Variants in ADGRV1 observed in about 807,000 individuals in gnomAD.
The protein encoded by ADGRV1 is G-protein coupled receptor 98.
A neutral mutation model predicts 596.2 loss-of-function variants in ADGRV1; 359 were observed. The observed-to-expected ratio is 0.60, with a 90% CI of 0.55 to 0.66. The LOEUF is 0.66. Among genes scored for constraint, ADGRV1 ranks in the 30% least tolerant of loss-of-function variants. ADGRV1 has a pLI of 0.00. For missense variants in ADGRV1, 7,274 were observed against 7,575.6 expected, an observed-to-expected ratio of 0.96 and a Z score of 1.48; for synonymous variants, 2,681 against 2,679.2, an observed-to-expected ratio of 1.00 and a Z score of -0.02.
rs538408748 is a variant in ADGRV1 at position 91,127,755 on chromosome 5, C to T, written c.18433-22275C>T. Reference sequence around the variant, plus strand: ...TAGAGACACCAGTACTTGCCCTGAACCATTTTAATTCTCCTCTGTTTTCAT... The same window carrying T: ...TAGAGACACCAGTACTTGCCCTGAATCATTTTAATTCTCCTCTGTTTTCAT... On this transcript the variant is annotated intron_variant, in intron 87 of 89. Coordinates refer to ENST00000405460, the MANE Select transcript of ADGRV1 (RefSeq NM_032119.4). Among the ~76,000 whole-genome samples, 3 of 152,246 alleles carry T rather than the reference C, an allele frequency of 2.0e-5. No individual in the cohort carries two copies. In the South Asian group the frequency reaches 6.2e-4, roughly 32 times the overall value.
Position 90,829,063 on chromosome 5 carries a change from C to A in ADGRV1, c.16488C>A (p.Ser5496Arg), listed in dbSNP as rs768064454. 4 of 1,611,920 alleles carry A rather than the reference C, an allele frequency of 2.5e-6. No individual in the cohort carries two copies. The highest frequency in any genetic ancestry group is 3.4e-6 in the Non-Finnish European group (4 of 1,178,726). The change falls in exon 77 of 90, where the codon AGC becomes AGA. Residue 5496 changes from serine (S) to arginine (R), a missense_variant. Around this residue, in one of 5 missense-constraint regions of ADGRV1, gnomAD observed 1,874 missense variants for 1,970.2 expected, o/e 0.95. Transcript: ENST00000405460. ...TCTTAGAAAGTGATGAATCTCAAAGCCTTGTGTATTTTTCTGTGGGTTCTC... is the reference window on the plus strand; with the variant it reads ...TCTTAGAAAGTGATGAATCTCAAAGACTTGTGTATTTTTCTGTGGGTTCTC... ...IKILESDESQ[S>R]LVYFSVGSRL...
intron 87 of ADGRV1, among the ~76,000 whole-genome samples, chr5:91,112,815 C>T (rs1490707025): frequency 3.9e-5 from 6 of 152,092 alleles, no homozygotes; most frequent in African/African-American, 1.4e-4. Flanking sequence ...GTGAGTTATC[C>T]GCTTTTCAGA....
At chr5:91,096,309 C>T (rs1465851506) in intron 86 of ADGRV1, among the ~76,000 whole-genome samples, 1 of 152,090 alleles carries the variant, frequency 6.6e-6, no homozygotes, top group Non-Finnish European at 1.5e-5. Flanking sequence ...ACAAAGAAAA[C>T]AGATAATACA....
chr5:90,994,135 T>G (rs1341982526), intron 85 of ADGRV1, among the ~76,000 whole-genome samples: 1 of 151,950 alleles, frequency 6.6e-6, no homozygotes, highest in Non-Finnish European at 1.5e-5. Context: ...TGGTCTTGGC[T>G]CACTACAACC....
At chr5:91,074,537 G>A (rs1441296526) in intron 86 of ADGRV1, among the ~76,000 whole-genome samples, 1 of 152,156 alleles carries the variant, frequency 6.6e-6, no homozygotes, top group Non-Finnish European at 1.5e-5. Flanking sequence ...ATATTCCATG[G>A]TGTATATGTA....
chr5:90,949,221 A>G (rs747544238), intron 83 of ADGRV1, among the ~76,000 whole-genome samples: 5 of 152,154 alleles, frequency 3.3e-5, no homozygotes, highest in Non-Finnish European at 7.4e-5. Context: ...TTTAGGTTTC[A>G]GGGTAATGAG....
In ADGRV1 at chr5:90,672,574, G is replaced by A. The variant is rs1481250204; in HGVS notation, c.4781G>A (p.Cys1594Tyr). Residue 1594 changes from cysteine (C) to tyrosine (Y), a missense_variant, in exon 22 of 90, where the codon TGT becomes TAT. Cys to Tyr is a radical substitution (Grantham distance 194, BLOSUM62 -2). Coordinates refer to ENST00000405460, the MANE Select transcript of ADGRV1 (RefSeq NM_032119.4). ...EIAEEGSTIS[C>Y]VVERTRGALD... ...GCAGAGGAGGGATCAACCATTTCTT[G>A]TGTGGTTGAGAGAACCAGAGGAGCT... 1.2e-6 allele frequency: 2 copies of A among 1,613,534 alleles called. No homozygotes were observed. Among genetic ancestry groups the A allele is most frequent in the Non-Finnish European group, 1.7e-6 (2 of 1,179,554 alleles).
chr5:90,669,630 A>G (rs1772137675), intron 21 of ADGRV1, among the ~76,000 whole-genome samples: 1 of 152,170 alleles, frequency 6.6e-6, no homozygotes, highest in Admixed American at 6.5e-5. Flanking sequence ...GTGAAATGAT[A>G]GAATGAGCAT....
intron 28 of ADGRV1, among the ~76,000 whole-genome samples, chr5:90,685,093 T>C (rs1745431932): frequency 6.6e-6 from 1 of 152,200 alleles, no homozygotes. Context: ...TTTTTTCCTT[T>C]TTGATAACTT....
chr5:90,959,966 C>T lies in ADGRV1; in HGVS notation c.17857-5449C>T, dbSNP rs374159460. On this transcript the variant is annotated intron_variant, in intron 83 of 89. Transcript: ENST00000405460. ...CATCCTGGCTAACACGGTGAAACCC[C>T]GTCTCTACTAAAAATACAAAAAATT... is the stretch of plus-strand genomic sequence containing the variant. 2.1e-3 allele frequency among the ~76,000 whole-genome samples: 319 copies of T among 151,780 alleles called. 1 individual carries two copies. Among genetic ancestry groups the T allele is most frequent in the African/African-American group, 7.3e-3 (304 of 41,432 alleles).
chr5:90,634,086 A>C (rs2366772), intron 9 of ADGRV1, among the ~76,000 whole-genome samples: 1 of 151,990 alleles, frequency 6.6e-6, no homozygotes, highest in Admixed American at 6.6e-5. Context: ...TATTAAGTTA[A>C]AAGTTGCATT....
intron 73 of ADGRV1, 52 bp downstream of exon 73, chr5:90,807,789 A>G: frequency 6.9e-7 from 1 of 1,453,290 alleles, no homozygotes; most frequent in Non-Finnish European, 9.2e-7. Context: ...ATAATCTGGA[A>G]TTCATCCATC....
rs1207373952 is a variant in ADGRV1, at chr5:90,664,511, G to C, written c.4752+6233G>C. On this transcript the variant is annotated intron_variant, in intron 21 of 89. Transcript: ENST00000405460. ...TTGCTTATCAGCTTAAGGAGATTTT[G>C]GGCTGAGACAGTGGGGTTTTCTAGA... is the stretch of plus-strand genomic sequence containing the variant. Among the ~76,000 whole-genome samples the C allele has an allele frequency of 5.5e-5, 8 of 145,200 alleles. No homozygotes were observed. In the East Asian group the frequency reaches 1.7e-3, roughly 30 times the overall value.
At chr5:90,961,023 C>T (rs1359793883) in intron 83 of ADGRV1, among the ~76,000 whole-genome samples, 2 of 152,146 alleles carry the variant, frequency 1.3e-5, no homozygotes, top group African/African-American at 2.4e-5. Flanking sequence ...TGCTACAATA[C>T]TTGTCACATT....
chr5:90,863,471 A>T (rs1280473334), intron 82 of ADGRV1, among the ~76,000 whole-genome samples: 1 of 152,208 alleles, frequency 6.6e-6, no homozygotes, highest in East Asian at 1.9e-4. Context: ...AGTAGATAAA[A>T]AAGGGGTAAT....
rs772616548 is a variant in ADGRV1, at chr5:90,653,744, C to T, written c.4170C>T (p.Asn1390=). 4.0e-5 allele frequency: 65 copies of T among 1,612,736 alleles called. No homozygotes were observed. The highest frequency in any genetic ancestry group is 3.0e-4 in the Admixed American group (18 of 59,800). The stretch of plus-strand genomic sequence containing the variant: ...ACTACGGGGTAAAAATACAAACAAA[C>T]GAATCCCATGTGACACTTTCCCTTC... The part of the protein sequence containing the change: ...SIYYGVKIQT[N]ESHVTLSLHY... Residue 1390 remains asparagine (N), a synonymous_variant, in exon 20 of 90, where the codon AAC becomes AAT. Coordinates refer to ENST00000405460, the MANE Select transcript of ADGRV1 (RefSeq NM_032119.4).
intron 71 of ADGRV1, 114 bp from the exon 72 acceptor site, chr5:90,805,170 T>G: frequency 3.1e-6 from 2 of 636,716 alleles, no homozygotes; most frequent in Non-Finnish European, 4.8e-6. Flanking sequence ...TAATTCAGTA[T>G]GAGACAAGGA....
chr5:90,644,056 T>A, intron 14 of ADGRV1, 73 bp downstream of exon 14: 1 of 1,083,422 alleles, frequency 9.2e-7, no homozygotes, highest in Non-Finnish European at 1.3e-6. Context: ...GTTATTTCTT[T>A]AGTAACTAGT....
At chr5:91,007,860 C>T (rs1275393872) in intron 85 of ADGRV1, among the ~76,000 whole-genome samples, 1 of 152,120 alleles carries the variant, frequency 6.6e-6, no homozygotes, top group East Asian at 1.9e-4. Flanking sequence ...CTGCTGTGTA[C>T]ATATTCAATT....
Sources: gnomAD v4.1 joint callset for allele counts (sites outside exome capture counted in the v4.1 genomes callset) on GRCh38, gnomAD v4.1.1 for gene constraint, gnomAD v4.1.1 regional missense constraint, MANE v1.5 for transcripts, NCBI Gene and HGNC (gene_info 2026-07-23, HGNC 2026-07-21) for gene names.